Variants in OR2L13 observed in about 807,000 individuals in gnomAD.
OR2L13 encodes the protein olfactory receptor family 2 subfamily L member 13.
A neutral mutation model predicts 15.3 loss-of-function variants in OR2L13; 14 were observed. The observed-to-expected ratio is 0.91, with a 90% CI of 0.60 to 1.43. OR2L13 has a LOEUF of 1.43. Among genes scored for constraint, OR2L13 ranks in the 40% most tolerant of loss-of-function variants. The pLI, the probability that OR2L13 is intolerant of heterozygous loss-of-function variation, is 0.00. For missense variants in OR2L13, 367 were observed against 387.9 expected, an observed-to-expected ratio of 0.95 and a Z score of 0.45; for synonymous variants, 152 against 142.9, an observed-to-expected ratio of 1.06 and a Z score of -0.45.
chr1:248,080,137 T>G, the OR2L13 span, among the ~76,000 whole-genome samples: 1 of 152,154 alleles, frequency 6.6e-6, no homozygotes, highest in East Asian at 1.9e-4. Flanking sequence ...ATACATATTT[T>G]TTTTTACATC....
the OR2L13 span, among the ~76,000 whole-genome samples, chr1:247,955,660 A>G: frequency 2.2e-5 from 3 of 139,354 alleles, no homozygotes; most frequent in Non-Finnish European, 4.7e-5. Flanking sequence ...GTGAGATGGT[A>G]TCTCATTGTA....
chr1:248,024,024 T>A, the OR2L13 span: 1 of 152,178 alleles, frequency 6.6e-6, no homozygotes, highest in Non-Finnish European at 1.5e-5. Context: ...TTTTTATTTT[T>A]ATTTGTTATT....
chr1:247,962,661 C>T, the OR2L13 span, among the ~76,000 whole-genome samples: 3 of 152,170 alleles, frequency 2.0e-5, no homozygotes, highest in African/African-American at 7.2e-5. Context: ...TCAGCTAAAA[C>T]ATCTTTTTGG....
At chr1:248,050,709 G>C in the OR2L13 span, among the ~76,000 whole-genome samples, 3 of 152,084 alleles carry the variant, frequency 2.0e-5, no homozygotes, top group Non-Finnish European at 4.4e-5. Flanking sequence ...TGTTTGAACT[G>C]TTAATTGTGT....
At chr1:248,066,711 T>A in the OR2L13 span, among the ~76,000 whole-genome samples, 4 of 152,250 alleles carry the variant, frequency 2.6e-5, no homozygotes, top group Non-Finnish European at 5.9e-5. Flanking sequence ...CTGCCCTTAC[T>A]TTTGATAGGG....
At chr1:247,958,485 G>T in the OR2L13 span, among the ~76,000 whole-genome samples, 3 of 152,044 alleles carry the variant, frequency 2.0e-5, no homozygotes, top group Non-Finnish European at 4.4e-5. Flanking sequence ...GAGTTCAATT[G>T]CTGGATATCT....
the OR2L13 span, among the ~76,000 whole-genome samples, chr1:247,993,807 G>GAGAGAGAAAGAGAA: frequency 4.7e-5 from 6 of 129,020 alleles, no homozygotes. Flanking sequence ...GAGAGAGAGA[G>GAGAGAGAAAGAGAA]AGAGAAAGAA....
upstream of OR2L13, among the ~76,000 whole-genome samples, chr1:248,091,519 C>G (rs1664596156): frequency 6.6e-6 from 1 of 151,746 alleles, no homozygotes; most frequent in Non-Finnish European, 1.5e-5. Context: ...GTTATCCCAG[C>G]ACCATTTATT....
chr1:247,953,935 T>TC, the OR2L13 span, among the ~76,000 whole-genome samples: 39 of 151,920 alleles, frequency 2.6e-4, no homozygotes, highest in Middle Eastern at 3.4e-3. Flanking sequence ...AGTGTCTCTT[T>TC]TTTTTTCTTT....
chr1:248,066,776 A>C, the OR2L13 span, among the ~76,000 whole-genome samples: 1 of 152,194 alleles, frequency 6.6e-6, no homozygotes, highest in East Asian at 1.9e-4. Context: ...TACCACAAGT[A>C]GTGTGTTATT....
At chr1:247,979,742 C>T in the OR2L13 span, among the ~76,000 whole-genome samples, 1 of 152,064 alleles carries the variant, frequency 6.6e-6, no homozygotes, top group African/African-American at 2.4e-5. Context: ...CTCTGTTGGT[C>T]CCGCTGGGAG....
At chr1:248,050,211 C>T in the OR2L13 span, among the ~76,000 whole-genome samples, 6,071 of 151,948 alleles carry the variant, frequency 0.04, 399 homozygotes, top group African/African-American at 0.14. Context: ...CTCGTTCTTT[C>T]CTCCTGTGTA....
At chr1:248,058,030 TC>T in the OR2L13 span, among the ~76,000 whole-genome samples, 1 of 152,204 alleles carries the variant, frequency 6.6e-6, no homozygotes, top group Non-Finnish European at 1.5e-5. Context: ...AAAGTGGACT[TC>T]CGTGTCTTGT....
At chr1:248,033,633 G>C in the OR2L13 span, among the ~76,000 whole-genome samples, 1 of 150,184 alleles carries the variant, frequency 6.7e-6, no homozygotes, top group African/African-American at 2.5e-5. Flanking sequence ...GTACAGACAG[G>C]ATTTTACCAT....
the OR2L13 span, among the ~76,000 whole-genome samples, chr1:248,072,480 G>C: frequency 1.3e-4 from 20 of 152,106 alleles, no homozygotes; most frequent in Non-Finnish European, 1.5e-5. Context: ...ATTAATTCAA[G>C]ATGGATTAAA....
the OR2L13 span, among the ~76,000 whole-genome samples, chr1:248,008,686 T>C: frequency 1 from 152,301 of 152,306 alleles, 76,148 homozygotes; most frequent in Middle Eastern, 1. Flanking sequence ...ACCAAGCAAA[T>C]CTAATAGGCA....
the OR2L13 span, among the ~76,000 whole-genome samples, chr1:248,020,880 T>C: frequency 6.6e-6 from 1 of 151,412 alleles, no homozygotes; most frequent in Non-Finnish European, 1.5e-5. Context: ...CCAAGTCACA[T>C]ATGTATATAT....
chr1:248,096,623 C>T (rs368324972), upstream of OR2L13, among the ~76,000 whole-genome samples: 6 of 152,110 alleles, frequency 3.9e-5, no homozygotes, highest in Non-Finnish European at 5.9e-5. Context: ...TTGTCCTATA[C>T]GTTGTTGAGA....
the OR2L13 span, among the ~76,000 whole-genome samples, chr1:248,088,302 T>C: frequency 6.6e-6 from 1 of 152,176 alleles, no homozygotes; most frequent in African/African-American, 2.4e-5. Context: ...TATTTTGAAC[T>C]GGGCCCCAAT....
Sources: gnomAD v4.1 joint callset for allele counts (sites outside exome capture counted in the v4.1 genomes callset) on GRCh38, gnomAD v4.1.1 for gene constraint, MANE v1.5 for transcripts, NCBI Gene and HGNC (gene_info 2026-07-23, HGNC 2026-07-21) for gene names.